Variants in MGLL observed in about 807,000 individuals in gnomAD.
The protein encoded by MGLL is lysophospholipase homolog.
A neutral mutation model predicts 29.1 loss-of-function variants in MGLL; 7 were observed. That is an observed-to-expected ratio of 0.24 (90% confidence interval 0.14 to 0.45). MGLL has a LOEUF of 0.45. MGLL is among the 20% of genes least tolerant of loss of function. The probability of loss-of-function intolerance (pLI) is 0.99; values close to 1 mark genes in which losing one functional copy is unlikely to be tolerated. For synonymous variants in MGLL, 148 were observed against 168.3 expected (o/e 0.88, Z 0.93); for missense variants, 356 against 413.6 (o/e 0.86, Z 1.21).
At chr3:127,715,446 T>C (rs1178992615) in intron 5 of MGLL, 2 of 342,082 alleles carry the variant, frequency 5.8e-6, no homozygotes, top group Non-Finnish European at 1.2e-5. Flanking sequence ...ACAAATTAGG[T>C]GTTTAGCCTC....
intron 3 of MGLL, among the ~76,000 whole-genome samples, chr3:127,728,050 C>T (rs911672445): frequency 1.3e-4 from 20 of 152,288 alleles, no homozygotes; most frequent in African/African-American, 4.3e-4. Context: ...TAATTAGATG[C>T]ATTAACTTCA....
intron 6 of MGLL, among the ~76,000 whole-genome samples, chr3:127,707,159 A>G (rs752491339): frequency 6.6e-6 from 1 of 152,194 alleles, no homozygotes; most frequent in Non-Finnish European, 1.5e-5. Context: ...TAAAGAACAG[A>G]GACTGGGCTC....
chr3:127,716,360 GT>G (rs767509183), intron 5 of MGLL, among the ~76,000 whole-genome samples: 9 of 152,166 alleles, frequency 5.9e-5, no homozygotes, highest in Admixed American at 1.3e-4. Context: ...TCTGCAGCAG[GT>G]CCCTAACTCT....
intron 2 of MGLL, among the ~76,000 whole-genome samples, chr3:127,801,821 T>TTA (rs1278798776): frequency 6.7e-6 from 1 of 148,226 alleles, no homozygotes. Context: ...TATAAAATAT[T>TTA]TATATATATA....
At chr3:127,733,353 T>C (rs1162568180) in intron 3 of MGLL, among the ~76,000 whole-genome samples, 1 of 152,222 alleles carries the variant, frequency 6.6e-6, no homozygotes, top group African/African-American at 2.4e-5. Context: ...CCACCAGCCC[T>C]CAGGCTGCTC....
At chr3:127,773,523 G>A (rs935463438) in intron 3 of MGLL, among the ~76,000 whole-genome samples, 1 of 152,222 alleles carries the variant, frequency 6.6e-6, no homozygotes, top group Non-Finnish European at 1.5e-5. Flanking sequence ...AGACAGGAGA[G>A]GCCTAGGCAG....
intron 3 of MGLL, among the ~76,000 whole-genome samples, chr3:127,732,050 C>G (rs1340274219): frequency 3.9e-5 from 6 of 152,184 alleles, no homozygotes; most frequent in Non-Finnish European, 8.8e-5. Context: ...CCCCGGGAAC[C>G]TATAGAACCC....
intron 5 of MGLL, 70 bp downstream of exon 5, chr3:127,720,983 C>CA: frequency 7.4e-7 from 1 of 1,352,406 alleles, no homozygotes; most frequent in South Asian, 1.2e-5. Context: ...TACATAGACT[C>CA]AGGCTACAAA....
At chr3:127,724,462 G>A (rs138976158) in intron 3 of MGLL, among the ~76,000 whole-genome samples, 115 of 152,334 alleles carry the variant, frequency 7.5e-4, no homozygotes, top group African/African-American at 2.7e-3. Context: ...CCATTTGTCT[G>A]TCGAGGGACA....
chr3:127,771,870 T>C (rs374722450), intron 3 of MGLL, among the ~76,000 whole-genome samples: 1 of 151,758 alleles, frequency 6.6e-6, no homozygotes, highest in Non-Finnish European at 1.5e-5. Flanking sequence ...ATGTGGGGAG[T>C]GGACAGGTGG....
intron 5 of MGLL, among the ~76,000 whole-genome samples, chr3:127,720,358 A>T (rs1284176937): frequency 1.3e-5 from 2 of 152,088 alleles, no homozygotes; most frequent in Non-Finnish European, 2.9e-5. Flanking sequence ...TGATGCCCCC[A>T]AGGCCGGGTC....
At chr3:127,793,439 C>A (rs912265794) in intron 2 of MGLL, among the ~76,000 whole-genome samples, 4 of 152,218 alleles carry the variant, frequency 2.6e-5, no homozygotes, top group African/African-American at 7.2e-5. Flanking sequence ...AGGCACCGGG[C>A]TAAGGGCTCT....
At chr3:127,768,423 G>A (rs534591402) in intron 3 of MGLL, among the ~76,000 whole-genome samples, 67 of 152,290 alleles carry the variant, frequency 4.4e-4, no homozygotes, top group South Asian at 2.1e-3. Flanking sequence ...GCCAAAGCCC[G>A]TGTGTCTAAC....
At chr3:127,715,600 G>A (rs2075797297) in intron 5 of MGLL, 1 of 447,838 alleles carries the variant, frequency 2.2e-6, no homozygotes, top group East Asian at 7.0e-5. Flanking sequence ...AGGAGGAAAG[G>A]GTAGGATGGG....
Position 127,715,863 on chromosome 3 carries a change from C to T in MGLL, c.510+5190G>A, listed in dbSNP as rs774911621. On this transcript the variant is annotated intron_variant, in intron 5 of 7. Coordinates refer to ENST00000265052, the MANE Select transcript of MGLL (RefSeq NM_007283.7). The stretch of plus-strand genomic sequence containing the variant: ...AGGGGAGTTGCTCACCCAAAAAGGA[C>T]GTGGAATCCAAAACTTTAACATTCT... The T allele has an allele frequency of 1.5e-5, 7 of 455,238 alleles. No individual in the cohort carries two copies. In the East Asian group the frequency reaches 2.1e-4, roughly 14 times the overall value. The allele number at this position is 455,238 out of a possible 1,614,324, so 28.2% of individuals were successfully genotyped here.
At chr3:127,735,782 GA>G in intron 3 of MGLL, 1 of 1,598,368 alleles carries the variant, frequency 6.3e-7, no homozygotes, top group Admixed American at 1.7e-5. Flanking sequence ...TTTCAGAGGA[GA>G]AAAATGTATA....
intron 5 of MGLL, chr3:127,715,688 G>A (rs758593283): frequency 2.2e-6 from 1 of 456,728 alleles, no homozygotes; most frequent in Non-Finnish European, 4.4e-6. Flanking sequence ...GGCCATTGAG[G>A]CGGCATGACG....
At chr3:127,806,374 T>A (rs1489339013) in intron 2 of MGLL, among the ~76,000 whole-genome samples, 1 of 152,152 alleles carries the variant, frequency 6.6e-6, no homozygotes, top group African/African-American at 2.4e-5. Flanking sequence ...CACTGACGGA[T>A]GTATGGATAA....
intron 6 of MGLL, among the ~76,000 whole-genome samples, chr3:127,699,846 C>T (rs1197090112): frequency 6.6e-6 from 1 of 152,190 alleles, no homozygotes; most frequent in Non-Finnish European, 1.5e-5. Flanking sequence ...GGTTACCGCC[C>T]TTCACAGCCA....
Sources: gnomAD v4.1 joint callset for allele counts (sites outside exome capture counted in the v4.1 genomes callset) on GRCh38, gnomAD v4.1.1 for gene constraint, MANE v1.5 for transcripts, NCBI Gene and HGNC (gene_info 2026-07-23, HGNC 2026-07-21) for gene names.